Variants in DCAF8L2 observed in about 807,000 individuals in gnomAD.
The protein encoded by DCAF8L2 is DDB1 and CUL4 associated factor 8 like 2, also known as DDB1- and CUL4-associated factor 8-like protein 2.
For missense variants in DCAF8L2, 430 were observed against 490.7 expected (o/e 0.88, Z 1.17); for synonymous variants, 200 against 190.9 (o/e 1.05, Z -0.39).
Position 27,749,172 on chromosome X carries a change from G to GGTT in DCAF8L2, c.*382_*384dup. Among the ~76,000 whole-genome samples the GGTT allele has an allele frequency of 9.0e-6, 1 of 111,628 alleles. No homozygotes were observed. Among genetic ancestry groups the GGTT allele is most frequent in the Non-Finnish European group, 1.9e-5 (1 of 53,140 alleles). On this transcript the variant is annotated 3_prime_UTR_variant, in exon 5 of 5. Coordinates refer to ENST00000451261, the MANE Select transcript of DCAF8L2 (RefSeq NM_001353450.2). ...TACTCAAATCTGACAGTCTGAAAACGGTTACCTTTTTACTTTTTTTCATCT... is the reference window on the plus strand; with the variant it reads ...TACTCAAATCTGACAGTCTGAAAACGGTTGTTACCTTTTTACTTTTTTTCATCT...
At chrX:27,613,781 C>T (rs1410331519) in intron 1 of DCAF8L2, among the ~76,000 whole-genome samples, 3 of 110,693 alleles carry the variant, frequency 2.7e-5, no homozygotes, top group Non-Finnish European at 5.7e-5. Flanking sequence ...TTGAACCAGC[C>T]TTGCATCCCA....
chrX:27,634,185 T>C (rs1279293595), intron 2 of DCAF8L2, among the ~76,000 whole-genome samples: 1 of 111,824 alleles, frequency 8.9e-6, no homozygotes, highest in African/African-American at 3.3e-5. Flanking sequence ...TATAACGTCC[T>C]AACTTGTCTC....
intron 1 of DCAF8L2, among the ~76,000 whole-genome samples, chrX:27,593,791 G>A (rs1295926700): frequency 1.8e-5 from 2 of 112,087 alleles, no homozygotes; most frequent in Non-Finnish European, 3.8e-5. Flanking sequence ...CCACTTGGGT[G>A]CAGAGTTCTG....
chrX:27,531,711 T>A, the DCAF8L2 span, among the ~76,000 whole-genome samples: 2 of 111,456 alleles, frequency 1.8e-5, no homozygotes, highest in Admixed American at 1.9e-4. Context: ...CAATCCAGTA[T>A]TTGAGGGGCT....
Position 27,737,712 on chromosome X carries a change from CTTTT to C in DCAF8L2, c.-58-9114_-58-9111del, listed in dbSNP as rs57138539. 6.1e-4 allele frequency among the ~76,000 whole-genome samples: 58 copies of C among 94,940 alleles called. No individual in the cohort carries two copies. In the East Asian group the frequency reaches 0.015, roughly 25 times the overall value. 82.4% of individuals were successfully genotyped at this position (94,940 alleles called of 115,157 possible). A position where few individuals can be genotyped will look rare whatever the true frequency, so the allele number is the denominator to read the frequency against. ...GAAATTGTTCTAGAATATAGAGAATCTTTTTTTTTTTTTTTGCCCTCTTTTGTTT... is the reference window on the plus strand; with the variant it reads ...GAAATTGTTCTAGAATATAGAGAATCTTTTTTTTTTTGCCCTCTTTTGTTT... On this transcript the variant is annotated intron_variant, in intron 4 of 4. Coordinates refer to ENST00000451261, the MANE Select transcript of DCAF8L2 (RefSeq NM_001353450.2).
chrX:27,656,178 A>G (rs1482368641), intron 2 of DCAF8L2, among the ~76,000 whole-genome samples: 1 of 111,997 alleles, frequency 8.9e-6, no homozygotes, highest in African/African-American at 3.2e-5. Flanking sequence ...TGATCACAAG[A>G]TTGTTTATTA....
At chrX:27,544,733 A>G in the DCAF8L2 span, among the ~76,000 whole-genome samples, 3 of 112,256 alleles carry the variant, frequency 2.7e-5, no homozygotes, top group East Asian at 2.8e-4. Flanking sequence ...TAAGAAGATT[A>G]TTAACTCAAA....
chrX:27,595,594 A>G (rs893293146), intron 1 of DCAF8L2, among the ~76,000 whole-genome samples: 3 of 112,253 alleles, frequency 2.7e-5, no homozygotes, highest in African/African-American at 9.7e-5. Context: ...ATATAAATTC[A>G]TGTGTTTCAT....
At chrX:27,685,031 C>T (rs1163546201) in intron 3 of DCAF8L2, among the ~76,000 whole-genome samples, 2 of 111,506 alleles carry the variant, frequency 1.8e-5, no homozygotes, top group African/African-American at 6.5e-5. Context: ...ATCACTGTAA[C>T]CAATCAGTTT....
intron 1 of DCAF8L2, among the ~76,000 whole-genome samples, chrX:27,604,034 A>T (rs1354107717): frequency 9.0e-6 from 1 of 110,977 alleles, no homozygotes; most frequent in Non-Finnish European, 1.9e-5. Context: ...GTTTTATGAC[A>T]CTCTCTGATA....
intron 1 of DCAF8L2, among the ~76,000 whole-genome samples, chrX:27,598,152 T>C (rs1284500056): frequency 2.7e-5 from 3 of 112,390 alleles, no homozygotes; most frequent in African/African-American, 9.7e-5. Flanking sequence ...TTGAAGGATG[T>C]AGGAATTAGA....
chrX:27,509,303 C>A, the DCAF8L2 span, among the ~76,000 whole-genome samples: 1 of 111,236 alleles, frequency 9.0e-6, no homozygotes, highest in African/African-American at 3.3e-5. Flanking sequence ...CCTCCTTTCC[C>A]TCAGTTGAAT....
Position 27,748,449 on chromosome X carries a change from T to G in DCAF8L2, c.1554T>G (p.Cys518Trp). The stretch of plus-strand genomic sequence containing the variant: ...GGAGCAGAGAAGGTACAATAAACTG[T>G]CTTGAACCCCACCCTTACCTACCTG... The part of the protein sequence containing the change: ...LKGSREGTIN[C>W]LEPHPYLPVL... Residue 518 changes from cysteine (C) to tryptophan (W), a missense_variant, in exon 5 of 5, where the codon TGT (cysteine) becomes TGG (tryptophan). Transcript: ENST00000451261. The G allele has an allele frequency of 8.3e-7, 1 of 1,208,104 alleles. No individual in the cohort carries two copies. Among genetic ancestry groups the G allele is most frequent in the Non-Finnish European group, 1.1e-6 (1 of 893,354 alleles).
intron 3 of DCAF8L2, among the ~76,000 whole-genome samples, chrX:27,694,157 ACT>A (rs910794637): frequency 9.0e-6 from 1 of 111,366 alleles, no homozygotes; most frequent in Non-Finnish European, 1.9e-5. Flanking sequence ...GAAGCTAAAC[ACT>A]GAGCACACGT....
the DCAF8L2 span, among the ~76,000 whole-genome samples, chrX:27,556,340 T>G: frequency 0.098 from 10,961 of 111,497 alleles, 417 homozygotes; most frequent in Non-Finnish European, 0.12. Flanking sequence ...CTGAGGATCA[T>G]TTTATATGAT....
At chrX:27,586,298 C>A (rs1027224077), upstream of DCAF8L2, among the ~76,000 whole-genome samples, 1 of 111,254 alleles carries the variant, frequency 9.0e-6, no homozygotes, top group Non-Finnish European at 1.9e-5. Context: ...ATGTGTACTG[C>A]AACTGGGTCA....
chrX:27,571,485 G>A, the DCAF8L2 span, among the ~76,000 whole-genome samples: 10 of 111,775 alleles, frequency 8.9e-5, no homozygotes, highest in South Asian at 2.6e-3. Context: ...CTGGCATTGC[G>A]AATGGTTCTG....
chrX:27,493,712 AAAAAAAAAAAAG>A, the DCAF8L2 span, among the ~76,000 whole-genome samples: 9 of 35,184 alleles, frequency 2.6e-4, no homozygotes, highest in South Asian at 2.8e-3. Flanking sequence ...ATCTCAAAAA[AAAAAAAAAAAAG>A]AAAAAAAAAA....
intron 3 of DCAF8L2, among the ~76,000 whole-genome samples, chrX:27,715,689 A>G (rs1174126042): frequency 8.9e-6 from 1 of 111,926 alleles, no homozygotes; most frequent in African/African-American, 3.2e-5. Flanking sequence ...AGGGGAAGTT[A>G]TTGATGCAAA....
Sources: gnomAD v4.1 joint callset for allele counts (sites outside exome capture counted in the v4.1 genomes callset) on GRCh38, gnomAD v4.1.1 for gene constraint, MANE v1.5 for transcripts, NCBI Gene and HGNC (gene_info 2026-07-23, HGNC 2026-07-21) for gene names.